Variants in COL22A1 observed in about 807,000 individuals in gnomAD.
COL22A1 encodes collagen alpha-1(XXII) chain.
A neutral mutation model predicts 248.9 loss-of-function variants in COL22A1; 221 were observed. That is an observed-to-expected ratio of 0.89 (90% CI 0.80 to 0.99). COL22A1 has a LOEUF of 0.99. Ranked by LOEUF, COL22A1 falls within the 50% of genes least tolerant of loss-of-function variation. The probability of loss-of-function intolerance (pLI) is 0.00; values close to 1 mark genes in which losing one functional copy is unlikely to be tolerated. For missense variants in COL22A1, 2,240 were observed against 2,179.0 expected, an observed-to-expected ratio of 1.03 and a Z score of -0.56; for synonymous variants, 891 against 793.4, an observed-to-expected ratio of 1.12 and a Z score of -2.07.
chr8:138,774,327 CT>C (rs1267366574), intron 16 of COL22A1, among the ~76,000 whole-genome samples: 3 of 151,806 alleles, frequency 2.0e-5, no homozygotes, highest in Admixed American at 2.0e-4. Flanking sequence ...AGTAATTTCA[CT>C]TCTGGGAAAG....
intron 47 of COL22A1, 125 bp from the exon 48 acceptor site, chr8:138,636,920 G>A (rs752133410): frequency 2.5e-6 from 2 of 809,834 alleles, no homozygotes; most frequent in Non-Finnish European, 4.2e-6. Flanking sequence ...AGTTCCTGTG[G>A]TAGCTCAGGC....
chr8:138,733,447 T>C (rs1586600748), intron 23 of COL22A1, among the ~76,000 whole-genome samples: 1 of 152,308 alleles, frequency 6.6e-6, no homozygotes, highest in East Asian at 1.9e-4. Context: ...CTAATTAAAC[T>C]CTCTGAGCTT....
chr8:138,604,676 T>C, intron 59 of COL22A1, 58 bp downstream of exon 59: 2 of 1,494,006 alleles, frequency 1.3e-6, no homozygotes, highest in Non-Finnish European at 1.9e-6. Flanking sequence ...TGAGCCTGCA[T>C]AGACTGCCCA....
At chr8:138,809,079 T>A (rs11786131) in intron 9 of COL22A1, among the ~76,000 whole-genome samples, 47,155 of 151,458 alleles carry the variant, frequency 0.31, 7,803 homozygotes, top group African/African-American at 0.42. Context: ...TTTTTTTTTT[T>A]ATTGAAACGA....
chr8:138,715,594 A>T, intron 30 of COL22A1, 88 bp downstream of exon 30: 17 of 710,996 alleles, frequency 2.4e-5, no homozygotes, highest in Non-Finnish European at 4.0e-5. Context: ...AAAAAAAAAG[A>T]TAGAGTATAT....
chr8:138,897,954 T>A (rs1405917863), intron 1 of COL22A1, among the ~76,000 whole-genome samples: 1 of 152,098 alleles, frequency 6.6e-6, no homozygotes, highest in Admixed American at 6.5e-5. Flanking sequence ...ATTGGGTGTC[T>A]GGCAAGTGCT....
intron 28 of COL22A1, 138 bp from the exon 29 acceptor site, chr8:138,716,427 C>A (rs1216873715): frequency 6.2e-6 from 4 of 643,176 alleles, no homozygotes; most frequent in African/African-American, 5.5e-5. Flanking sequence ...GAAAGCAATG[C>A]AGTGGAGAAA....
Position 138,775,886 on chromosome 8 carries a change from A to G in COL22A1, c.1803+80T>C, listed in dbSNP as rs1297885888. The G allele has an allele frequency of 4.5e-6, 6 of 1,319,094 alleles. No homozygotes were observed. The Admixed American group carries it at 1.0e-4, about 22-fold the overall frequency. 81.7% of individuals were successfully genotyped at this position (1,319,094 alleles called of 1,614,324 possible). A position where few individuals can be genotyped will look rare whatever the true frequency, so the allele number is the denominator to read the frequency against. ...AATGTGTACACACACACACGAGCAT[A>G]CACAGAGCAGATGGTTCCATGCACC... On this transcript the variant is annotated intron_variant, in intron 16 of 64. Coordinates refer to ENST00000303045, the MANE Select transcript of COL22A1 (RefSeq NM_152888.3).
At chr8:138,638,372 C>T (rs1019497286) in intron 47 of COL22A1, among the ~76,000 whole-genome samples, 1 of 152,142 alleles carries the variant, frequency 6.6e-6, no homozygotes, top group Non-Finnish European at 1.5e-5. Flanking sequence ...CATGTCCACT[C>T]TCTGGTCTCA....
chr8:138,716,084 G>T, intron 29 of COL22A1, 143 bp downstream of exon 29: 1 of 672,050 alleles, frequency 1.5e-6, no homozygotes. Context: ...CCCCTTCCCC[G>T]TCCCTTCCAT....
At chr8:138,664,209 G>GCGCGCGCGCACACACA (rs1440442280) in intron 41 of COL22A1, among the ~76,000 whole-genome samples, 18 of 103,202 alleles carry the variant, frequency 1.7e-4, no homozygotes, top group East Asian at 9.7e-4. Flanking sequence ...GCGCGCGCGC[G>GCGCGCGCGCACACACA]CACACACACA....
chr8:138,742,652 T>C (rs1831712655), intron 22 of COL22A1, among the ~76,000 whole-genome samples: 1 of 138,846 alleles, frequency 7.2e-6, no homozygotes, highest in South Asian at 2.3e-4. Context: ...GATGGTGGAG[T>C]TGATGGTGAT....
chr8:138,685,978 C>T (rs1826317422), intron 37 of COL22A1, among the ~76,000 whole-genome samples: 1 of 152,108 alleles, frequency 6.6e-6, no homozygotes, highest in African/African-American at 2.4e-5. Flanking sequence ...CTCATTTCTG[C>T]TTGAACTCCT....
intron 47 of COL22A1, among the ~76,000 whole-genome samples, chr8:138,643,635 T>C (rs1412227139): frequency 1.2e-3 from 97 of 81,694 alleles, no homozygotes; most frequent in Middle Eastern, 5.9e-3. Flanking sequence ...GATAGATAGA[T>C]AGATAGATAG....
intron 7 of COL22A1, among the ~76,000 whole-genome samples, chr8:138,820,323 C>G (rs1187735752): frequency 6.6e-6 from 1 of 152,222 alleles, no homozygotes; most frequent in East Asian, 1.9e-4. Flanking sequence ...GGCATGGGAG[C>G]TAACGTTGAC....
intron 32 of COL22A1, among the ~76,000 whole-genome samples, chr8:138,698,832 A>G (rs189473560): frequency 6.6e-6 from 1 of 152,288 alleles, no homozygotes; most frequent in African/African-American, 2.4e-5. Flanking sequence ...CCTGCGGGTG[A>G]GGGAGGTGCT....
At chr8:138,859,928 A>G (rs904513813) in intron 3 of COL22A1, among the ~76,000 whole-genome samples, 1 of 152,186 alleles carries the variant, frequency 6.6e-6, no homozygotes, top group Non-Finnish European at 1.5e-5. Flanking sequence ...TCCAAGCAGC[A>G]TCCCTTCCAT....
At chr8:138,759,203 G>C (rs1474683377) in intron 18 of COL22A1, among the ~76,000 whole-genome samples, 3 of 152,170 alleles carry the variant, frequency 2.0e-5, no homozygotes, top group African/African-American at 7.2e-5. Context: ...GTCTGTGTCA[G>C]CCCGTACTAT....
intron 6 of COL22A1, 100 bp downstream of exon 6, chr8:138,826,558 G>C: frequency 1.5e-6 from 2 of 1,312,560 alleles, no homozygotes; most frequent in Non-Finnish European, 2.2e-6. Flanking sequence ...CTAGGCCCAG[G>C]GATAAGAGCC....
Sources: gnomAD v4.1 joint callset for allele counts (sites outside exome capture counted in the v4.1 genomes callset) on GRCh38, gnomAD v4.1.1 for gene constraint, MANE v1.5 for transcripts, NCBI Gene and HGNC (gene_info 2026-07-23, HGNC 2026-07-21) for gene names.